EPHB1: variants seen among roughly 807,000 people sequenced by gnomAD.
EPHB1 encodes ephrin type-B receptor 1.
A neutral mutation model predicts 94.4 loss-of-function variants in EPHB1; 30 were observed. The ratio of observed to expected loss-of-function variants is 0.32; its 90% confidence interval spans 0.24 to 0.43. The LOEUF is 0.43. EPHB1 is among the 20% of genes least tolerant of loss of function. The probability of loss-of-function intolerance (pLI) is 1.00; values close to 1 mark genes in which losing one functional copy is unlikely to be tolerated. For synonymous variants in EPHB1, 522 were observed against 489.1 expected, an observed-to-expected ratio of 1.07 and a Z score of -0.89; for missense variants, 1,055 against 1,308.3, an observed-to-expected ratio of 0.81 and a Z score of 2.99.
intron 1 of EPHB1, among the ~76,000 whole-genome samples, chr3:134,860,917 G>C (rs961564926): frequency 5.9e-5 from 9 of 151,954 alleles, no homozygotes; most frequent in Admixed American, 5.9e-4. Context: ...ATAGGTGAAA[G>C]TAGTACTACA....
chr3:134,934,685 G>A (rs1044758309), intron 2 of EPHB1, among the ~76,000 whole-genome samples: 1 of 151,750 alleles, frequency 6.6e-6, no homozygotes, highest in Non-Finnish European at 1.5e-5. Context: ...TTGTGTGTGT[G>A]CGGTATGGGT....
chr3:134,875,108 T>C (rs967770218), intron 1 of EPHB1, among the ~76,000 whole-genome samples: 1 of 152,192 alleles, frequency 6.6e-6, no homozygotes, highest in African/African-American at 2.4e-5. Flanking sequence ...TGGCCTCTTA[T>C]GGTGCTTGCT....
intron 1 of EPHB1, among the ~76,000 whole-genome samples, chr3:134,883,326 A>G (rs1386858878): frequency 6.6e-6 from 1 of 152,214 alleles, no homozygotes; most frequent in Non-Finnish European, 1.5e-5. Context: ...ATGAGTGGCC[A>G]TAAGGAAGAG....
chr3:135,117,121 C>T (rs1287830410), intron 4 of EPHB1, among the ~76,000 whole-genome samples: 2 of 152,230 alleles, frequency 1.3e-5, no homozygotes, highest in Non-Finnish European at 2.9e-5. Context: ...GGCTAGGGAT[C>T]TCTCCATAAC....
At chr3:135,093,409 T>A (rs111945809) in intron 3 of EPHB1, among the ~76,000 whole-genome samples, 1 of 152,040 alleles carries the variant, frequency 6.6e-6, no homozygotes, top group African/African-American at 2.4e-5. Flanking sequence ...TTTGAAAAAA[T>A]CTTCCACTAT....
intron 1 of EPHB1, among the ~76,000 whole-genome samples, chr3:134,860,814 A>AAAAT (rs2037241389): frequency 6.6e-6 from 1 of 151,788 alleles, no homozygotes; most frequent in Non-Finnish European, 1.5e-5. Context: ...AAAAAAAAAA[A>AAAAT]AAAAGATTTC....
intron 3 of EPHB1, among the ~76,000 whole-genome samples, chr3:135,077,697 C>T (rs958657183): frequency 1.6e-4 from 24 of 152,210 alleles, no homozygotes; most frequent in Non-Finnish European, 2.4e-4. Context: ...ATACATGGCA[C>T]ATCCTGGTGC....
chr3:134,852,116 T>C (rs1349321738), intron 1 of EPHB1, among the ~76,000 whole-genome samples: 1 of 152,174 alleles, frequency 6.6e-6, no homozygotes, highest in Non-Finnish European at 1.5e-5. Context: ...TTTCTACCTG[T>C]TTTAAGTGGT....
chr3:135,236,669 C>T (rs1236850729), intron 12 of EPHB1, among the ~76,000 whole-genome samples: 2 of 152,132 alleles, frequency 1.3e-5, no homozygotes, highest in Admixed American at 6.5e-5. Context: ...CTATCACTTC[C>T]AAACTTCAAG....
At chr3:134,949,583 T>C (rs940492618) in intron 2 of EPHB1, among the ~76,000 whole-genome samples, 16 of 152,242 alleles carry the variant, frequency 1.1e-4, no homozygotes, top group African/African-American at 3.9e-4. Context: ...TGAAGAATTC[T>C]AGTCTATATA....
At chr3:135,220,201 G>A (rs1010045278) in intron 12 of EPHB1, among the ~76,000 whole-genome samples, 3 of 152,216 alleles carry the variant, frequency 2.0e-5, no homozygotes, top group Admixed American at 6.5e-5. Context: ...TCAAAGCAAG[G>A]GGGAAAGAGA....
chr3:135,244,785 TA>T (rs1229819937), intron 13 of EPHB1, among the ~76,000 whole-genome samples: 1 of 152,152 alleles, frequency 6.6e-6, no homozygotes, highest in Non-Finnish European at 1.5e-5. Flanking sequence ...AAGAAGAGAA[TA>T]AAAATCTCCA....
chr3:134,900,937 G>A (rs891508445), intron 1 of EPHB1, among the ~76,000 whole-genome samples: 1 of 152,176 alleles, frequency 6.6e-6, no homozygotes, highest in Non-Finnish European at 1.5e-5. Flanking sequence ...GAAGAATGAT[G>A]TTAATGAAAT....
intron 3 of EPHB1, among the ~76,000 whole-genome samples, chr3:134,955,071 CTTTTTTTTTTTT>C (rs1197013147): frequency 3.1e-3 from 26 of 8,416 alleles, no homozygotes; most frequent in South Asian, 9.6e-3. Context: ...GACATCCTTT[CTTTTTTTTTTTT>C]TTTTTTTTTT....
intron 1 of EPHB1, among the ~76,000 whole-genome samples, chr3:134,915,520 T>C (rs574420270): frequency 6.6e-6 from 1 of 152,232 alleles, no homozygotes; most frequent in South Asian, 2.1e-4. Context: ...CTGGAATTGG[T>C]GGGTTCTTGG....
Position 135,109,144 on chromosome 3 carries a change from G to T in EPHB1, c.961+2541G>T, listed in dbSNP as rs183934925. Among the ~76,000 whole-genome samples, 640 of 152,292 alleles carry T rather than the reference G, an allele frequency of 4.2e-3. 4 individuals are homozygous for T. The highest frequency in any genetic ancestry group is 0.015 in the African/African-American group (609 of 41,548). On this transcript the variant is annotated intron_variant, in intron 4 of 15. Transcript: ENST00000398015. ...TCCCTGTAGTGCTCCCTGAGGCACTGCCCAGAAGCCCTCAGTTTACCTGGT... is the reference window on the plus strand; with the variant it reads ...TCCCTGTAGTGCTCCCTGAGGCACTTCCCAGAAGCCCTCAGTTTACCTGGT...
intron 12 of EPHB1, among the ~76,000 whole-genome samples, chr3:135,206,676 C>A (rs995546400): frequency 1.3e-5 from 2 of 152,094 alleles, no homozygotes; most frequent in African/African-American, 4.8e-5. Context: ...GTGGTGACAC[C>A]CCGCCTCTAC....
chr3:135,219,538 C>T (rs1486142005), intron 12 of EPHB1, among the ~76,000 whole-genome samples: 2 of 151,946 alleles, frequency 1.3e-5, no homozygotes, highest in Non-Finnish European at 1.5e-5. Flanking sequence ...AGGATTCTCC[C>T]CTGGAGGTTT....
chr3:135,151,654 G>A (rs978834128), intron 5 of EPHB1, among the ~76,000 whole-genome samples: 8 of 152,130 alleles, frequency 5.3e-5, no homozygotes, highest in South Asian at 4.2e-4. Flanking sequence ...AAAGTGACTG[G>A]TACTTGACAG....
Sources: gnomAD v4.1 joint callset for allele counts (sites outside exome capture counted in the v4.1 genomes callset) on GRCh38, gnomAD v4.1.1 for gene constraint, MANE v1.5 for transcripts, NCBI Gene and HGNC (gene_info 2026-07-23, HGNC 2026-07-21) for gene names.